Variants in CELF2 observed in about 807,000 individuals in gnomAD.
The protein encoded by CELF2 is CUG triplet repeat RNA-binding protein 2.
CELF2 carries 8 observed loss-of-function variants against 62.6 expected under a neutral mutation model. The ratio of observed to expected loss-of-function variants is 0.13; its 90% CI spans 0.07 to 0.23. The LOEUF (loss-of-function observed/expected upper bound fraction) is 0.23, where lower values mean the gene tolerates loss of function less well. CELF2 is among the 10% of genes least tolerant of loss of function. The pLI is 1.00. For missense variants in CELF2, 333 were observed against 671.0 expected (o/e 0.50, Z 5.56); for synonymous variants, 258 against 250.0 (o/e 1.03, Z -0.30).
intron 1 of CELF2, among the ~76,000 whole-genome samples, chr10:10,888,637 A>G (rs1443366000): frequency 6.6e-6 from 1 of 152,168 alleles, no homozygotes; most frequent in Non-Finnish European, 1.5e-5. Flanking sequence ...GCCTTCTTGG[A>G]AAGTCTGCAT....
At chr10:10,736,397 T>TTTC in the CELF2 span, among the ~76,000 whole-genome samples, 467 of 55,232 alleles carry the variant, frequency 8.5e-3, 2 homozygotes, top group Middle Eastern at 0.029. Flanking sequence ...TCTTTCTTTC[T>TTTC]TTTTTTTTTT....
the CELF2 span, among the ~76,000 whole-genome samples, chr10:10,551,953 T>A: frequency 1.1e-4 from 17 of 152,156 alleles, no homozygotes; most frequent in South Asian, 2.1e-4. Context: ...CAGGGTGCTT[T>A]TTTTTCTATA....
In CELF2 at chr10:11,306,189, C is replaced by T. The variant is rs1013672641; in HGVS notation, c.977-7950C>T. On this transcript the variant is annotated intron_variant, in intron 9 of 12. Coordinates refer to ENST00000633077, the MANE Select transcript of CELF2 (RefSeq NM_001326342.2). This position sits in a 1 kb window ranked among gnomAD's most constrained non-coding sequence, Gnocchi z 4.4. ...TCCTCTTGGCTTTGTTCTGCCTCCT[C>T]CTGCTTGGATGGTGCAGCCTCTGCT... Among the ~76,000 whole-genome samples the T allele has an allele frequency of 1.3e-5, 2 of 151,984 alleles. No individual in the cohort carries two copies. The highest frequency in any genetic ancestry group is 1.9e-4 in the East Asian group (1 of 5,160).
Position 11,207,600 on chromosome 10 carries a change from G to A in CELF2, c.272-9825G>A, listed in dbSNP as rs1191316726. On this transcript the variant is annotated intron_variant, in intron 2 of 12. Coordinates refer to ENST00000633077, the MANE Select transcript of CELF2 (RefSeq NM_001326342.2). This position sits in a 1 kb window ranked among gnomAD's most constrained non-coding sequence, Gnocchi z 4.1. Reference sequence around the variant, plus strand: ...CCTCAGGCGGCCAGAGGGCGGTGCGGGTCCCACGCTGCCAGTGTAAGTTTC... The same window carrying A: ...CCTCAGGCGGCCAGAGGGCGGTGCGAGTCCCACGCTGCCAGTGTAAGTTTC... Among the ~76,000 whole-genome samples, 1 of 152,248 alleles carries A rather than the reference G, an allele frequency of 6.6e-6. No homozygotes were observed. The highest frequency in any genetic ancestry group is 1.5e-5 in the Non-Finnish European group (1 of 68,048).
chr10:10,985,788 A>G (rs1409103153), intron 2 of CELF2, among the ~76,000 whole-genome samples: 1 of 152,204 alleles, frequency 6.6e-6, no homozygotes, highest in East Asian at 1.9e-4. Context: ...CTAAAGACCC[A>G]TGAATGTGTG....
At chr10:10,830,163 G>T (rs1227749594) in intron 1 of CELF2, among the ~76,000 whole-genome samples, 1 of 151,728 alleles carries the variant, frequency 6.6e-6, no homozygotes, top group Non-Finnish European at 1.5e-5. Context: ...ATGCCTGGCT[G>T]ATGTACTGTA....
chr10:10,655,944 A>C, the CELF2 span, among the ~76,000 whole-genome samples: 1 of 137,612 alleles, frequency 7.3e-6, no homozygotes, highest in Non-Finnish European at 1.6e-5. Context: ...CAACCTACAA[A>C]ATGGGAGAAA....
the CELF2 span, among the ~76,000 whole-genome samples, chr10:10,754,655 A>C: frequency 2.0e-5 from 3 of 152,198 alleles, no homozygotes; most frequent in African/African-American, 7.2e-5. Context: ...AGGTATCTTT[A>C]ATTAGGTTTC....
At chr10:10,698,685 A>G in the CELF2 span, among the ~76,000 whole-genome samples, 7 of 152,190 alleles carry the variant, frequency 4.6e-5, no homozygotes, top group African/African-American at 1.7e-4. Context: ...CTCACTTTAC[A>G]GAAAAGTCAG....
At chr10:10,593,234 C>G in the CELF2 span, among the ~76,000 whole-genome samples, 1 of 152,134 alleles carries the variant, frequency 6.6e-6, no homozygotes, top group Non-Finnish European at 1.5e-5. Context: ...TTAAAATAAC[C>G]ATTTTATTTA....
At chr10:11,087,704 G>A (rs192200789) in intron 1 of CELF2, among the ~76,000 whole-genome samples, 11 of 152,240 alleles carry the variant, frequency 7.2e-5, no homozygotes, top group South Asian at 4.1e-4. Flanking sequence ...CAGAAACATC[G>A]TCTTATAACA....
chr10:10,984,133 G>A (rs1201596073), intron 2 of CELF2, among the ~76,000 whole-genome samples: 3 of 152,142 alleles, frequency 2.0e-5, no homozygotes, highest in Non-Finnish European at 2.9e-5. Flanking sequence ...ATATTCAGGC[G>A]AGGTATGCGT....
At position 11,046,356 on chromosome 10, in the gene CELF2, A is replaced by C. The variant is rs989425457; in HGVS notation, c.74+28193A>C. 2.6e-5 allele frequency among the ~76,000 whole-genome samples: 4 copies of C among 152,174 alleles called. No individual in the cohort carries two copies. The highest frequency in any genetic ancestry group is 9.7e-5 in the African/African-American group (4 of 41,438). On this transcript the variant is annotated intron_variant, in intron 1 of 12. Transcript: ENST00000633077. The surrounding 1 kb of genome is among the most constrained non-coding windows in gnomAD (Gnocchi z 4.6). ...AGATTGCCAACTGCTGCTGGATGCA[A>C]TTTGGATCTCCCTAGACGACTTGGC...
the CELF2 span, among the ~76,000 whole-genome samples, chr10:10,774,482 C>T: frequency 1.3e-5 from 2 of 152,140 alleles, no homozygotes; most frequent in African/African-American, 4.8e-5. Flanking sequence ...CGCTTTGGTG[C>T]CGTTCTCATG....
intron 1 of CELF2, among the ~76,000 whole-genome samples, chr10:11,024,830 G>T (rs2058879836): frequency 6.6e-6 from 1 of 152,104 alleles, no homozygotes; most frequent in Non-Finnish European, 1.5e-5. Context: ...TGAAATTAAG[G>T]TCAGCTGATT....
chr10:10,867,802 T>C (rs1290984147), intron 1 of CELF2, among the ~76,000 whole-genome samples: 4 of 152,282 alleles, frequency 2.6e-5, no homozygotes, highest in African/African-American at 7.2e-5. Context: ...CCCAGGCTGA[T>C]GGTATTCTTC....
At chr10:10,566,500 G>T in the CELF2 span, among the ~76,000 whole-genome samples, 1 of 149,060 alleles carries the variant, frequency 6.7e-6, no homozygotes, top group East Asian at 2.0e-4. Flanking sequence ...CATGTGCCAT[G>T]CTGGTGCACT....
intron 1 of CELF2, among the ~76,000 whole-genome samples, chr10:10,905,183 A>C (rs956708589): frequency 6.6e-6 from 1 of 152,242 alleles, no homozygotes; most frequent in African/African-American, 2.4e-5. Flanking sequence ...AAAATGATTA[A>C]AACATACTAC....
the CELF2 span, among the ~76,000 whole-genome samples, chr10:10,769,985 T>A: frequency 6.6e-6 from 1 of 151,964 alleles, no homozygotes; most frequent in South Asian, 2.1e-4. Context: ...ACAAGTTACA[T>A]GGTGATGGGG....
Sources: allele counts gnomAD v4.1 joint callset (sites outside exome capture counted in the v4.1 genomes callset), GRCh38; gene constraint gnomAD v4.1.1; non-coding constraint Gnocchi (gnomAD v3.1); transcripts MANE v1.5; gene names NCBI Gene and HGNC (gene_info 2026-07-23, HGNC 2026-07-21).